Variants in ANKRD30A observed in about 807,000 individuals in gnomAD.
The protein encoded by ANKRD30A is ankyrin repeat domain 30A.
Under a neutral mutation model 166.3 loss-of-function variants are expected in ANKRD30A, and 170 were observed. That is an observed-to-expected ratio of 1.02 (90% CI 0.90 to 1.16). The LOEUF (loss-of-function observed/expected upper bound fraction) is 1.16. Among genes scored for constraint, ANKRD30A ranks in the 50% most tolerant of loss-of-function variants. ANKRD30A has a pLI of 0.00. For missense variants in ANKRD30A, 1,630 were observed against 1,518.0 expected (o/e 1.07, Z -1.23); for synonymous variants, 564 against 508.9 (o/e 1.11, Z -1.46).
chr10:37,142,718 A>T (rs1194614030), intron 7 of ANKRD30A, among the ~76,000 whole-genome samples: 1 of 151,434 alleles, frequency 6.6e-6, no homozygotes, highest in Non-Finnish European at 1.5e-5. Context: ...CCTCCCAAGT[A>T]GCTAGGATTA....
At chr10:37,207,904 A>G (rs1213112895) in intron 31 of ANKRD30A, among the ~76,000 whole-genome samples, 2 of 152,146 alleles carry the variant, frequency 1.3e-5, no homozygotes, top group African/African-American at 2.4e-5. Flanking sequence ...AAAACAAACT[A>G]TGTCATAAAG....
chr10:37,236,062 C>G (rs973122263), downstream of ANKRD30A, among the ~76,000 whole-genome samples: 2 of 152,098 alleles, frequency 1.3e-5, no homozygotes, highest in Non-Finnish European at 2.9e-5. Context: ...GCCACCGCGC[C>G]GGGCCTGATT....
At chr10:37,241,245 T>C in the ANKRD30A span, 8 of 151,510 alleles carry the variant, frequency 5.3e-5, no homozygotes, top group Admixed American at 5.3e-4. Context: ...ATCTAAAAGA[T>C]GAAGTTAGTA....
chr10:37,194,341 C>T (rs1840872670), intron 27 of ANKRD30A, among the ~76,000 whole-genome samples: 1 of 151,594 alleles, frequency 6.6e-6, no homozygotes, highest in African/African-American at 2.4e-5. Context: ...TTTCTTTCTT[C>T]AGTTTTTTTG....
the ANKRD30A span, among the ~76,000 whole-genome samples, chr10:37,251,076 C>T: frequency 1.6e-4 from 24 of 152,206 alleles, no homozygotes; most frequent in Non-Finnish European, 2.4e-4. Context: ...GGAGGGACTT[C>T]TCAATGAAGA....
intron 11 of ANKRD30A, among the ~76,000 whole-genome samples, chr10:37,151,357 AT>A (rs1837921959): frequency 6.6e-6 from 1 of 152,100 alleles, no homozygotes; most frequent in African/African-American, 2.4e-5. Flanking sequence ...ACTTAAGGCA[AT>A]TATATTTTCC....
downstream of ANKRD30A, among the ~76,000 whole-genome samples, chr10:37,236,569 A>G (rs1843684293): frequency 6.6e-6 from 1 of 152,178 alleles, no homozygotes; most frequent in Admixed American, 6.5e-5. Flanking sequence ...CCTCCTCCCA[A>G]GAAGAAAGTG....
At chr10:37,191,430 A>T (rs1016522690) in intron 25 of ANKRD30A, among the ~76,000 whole-genome samples, 2 of 151,980 alleles carry the variant, frequency 1.3e-5, no homozygotes, top group Admixed American at 6.5e-5. Context: ...AAAGAACATG[A>T]TGAATGTTTG....
At chr10:37,159,048 T>G (rs750750308) in intron 15 of ANKRD30A, among the ~76,000 whole-genome samples, 1 of 152,190 alleles carries the variant, frequency 6.6e-6, no homozygotes, top group Non-Finnish European at 1.5e-5. Context: ...ACTTTTAATT[T>G]TAAAAAATCA....
chr10:37,256,805 A>T, the ANKRD30A span, among the ~76,000 whole-genome samples: 1 of 152,276 alleles, frequency 6.6e-6, no homozygotes, highest in Middle Eastern at 3.4e-3. Flanking sequence ...CCAGTCTTTT[A>T]TTGAGGGTTT....
intron 25 of ANKRD30A, among the ~76,000 whole-genome samples, chr10:37,191,824 C>A (rs1345370955): frequency 7.9e-5 from 12 of 151,968 alleles, no homozygotes; most frequent in South Asian, 2.1e-4. Context: ...TGAAACCCCA[C>A]CTCTACTAGT....
chr10:37,203,295 G>C lies in ANKRD30A; in HGVS notation c.2869+1970G>C, dbSNP rs138705022. On this transcript the variant is annotated intron_variant, in intron 31 of 35. Transcript: ENST00000361713. ...CAGAAAGCTTATCCACCATGATCAA[G>C]TTGGCTTCATCCCTGGGATGCAAGG... Among the ~76,000 whole-genome samples, 1,292 of 152,298 alleles carry C rather than the reference G, an allele frequency of 8.5e-3. 19 individuals are homozygous for C. The highest frequency in any genetic ancestry group is 0.029 in the African/African-American group (1,218 of 41,550).
chr10:37,248,341 A>T, the ANKRD30A span: 2 of 341,740 alleles, frequency 5.9e-6, no homozygotes, highest in Non-Finnish European at 1.2e-5. Flanking sequence ...CTTGAAAGAG[A>T]ACACTTGAAA....
At chr10:37,194,331 T>A (rs1408036320) in intron 27 of ANKRD30A, among the ~76,000 whole-genome samples, 2 of 152,068 alleles carry the variant, frequency 1.3e-5, no homozygotes, top group African/African-American at 4.8e-5. Flanking sequence ...TTTGTTTGCA[T>A]TTCTTTCTTC....
intron 25 of ANKRD30A, among the ~76,000 whole-genome samples, chr10:37,192,088 G>A (rs1301293551): frequency 6.6e-6 from 1 of 152,032 alleles, no homozygotes; most frequent in African/African-American, 2.4e-5. Context: ...CCAGGCTGGA[G>A]TGCAATGGCA....
chr10:37,260,836 G>A, the ANKRD30A span, among the ~76,000 whole-genome samples: 1 of 152,062 alleles, frequency 6.6e-6, no homozygotes, highest in Non-Finnish European at 1.5e-5. Context: ...TTATAAGTGG[G>A]AACTAAACAT....
intron 17 of ANKRD30A, among the ~76,000 whole-genome samples, chr10:37,164,807 G>C (rs986808193): frequency 1.3e-5 from 2 of 152,050 alleles, no homozygotes; most frequent in Non-Finnish European, 2.9e-5. Context: ...GGCATACTGT[G>C]TTTCACAGGA....
At chr10:37,189,894 A>G (rs1840389557) in intron 25 of ANKRD30A, among the ~76,000 whole-genome samples, 1 of 151,886 alleles carries the variant, frequency 6.6e-6, no homozygotes, top group Non-Finnish European at 1.5e-5. Flanking sequence ...AAGCAGGTTT[A>G]TGTAATGGAG....
intron 31 of ANKRD30A, among the ~76,000 whole-genome samples, chr10:37,205,190 G>A (rs1340771666): frequency 6.6e-6 from 1 of 152,076 alleles, no homozygotes; most frequent in Non-Finnish European, 1.5e-5. Flanking sequence ...CAAAGACTTG[G>A]AACTAACCCA....
Sources: allele counts gnomAD v4.1 joint callset (sites outside exome capture counted in the v4.1 genomes callset), GRCh38; gene constraint gnomAD v4.1.1; transcripts MANE v1.5; gene names NCBI Gene and HGNC (gene_info 2026-07-23, HGNC 2026-07-21).